Variants in BAZ2B observed in about 807,000 individuals in gnomAD.
BAZ2B encodes bromodomain adjacent to zinc finger domain 2B.
Under a neutral mutation model 246.0 loss-of-function variants are expected in BAZ2B, and 91 were observed. That is an observed-to-expected ratio of 0.37 (90% CI 0.31 to 0.44). The LOEUF is 0.44. Ranked by LOEUF, BAZ2B falls within the 20% of genes least tolerant of loss-of-function variation. The pLI, the probability that BAZ2B is intolerant of heterozygous loss-of-function variation, is 1.00. For missense variants in BAZ2B, 2,332 were observed against 2,533.7 expected (o/e 0.92, Z 1.71); for synonymous variants, 855 against 860.0 (o/e 0.99, Z 0.10).
Position 159,491,720 on chromosome 2 carries a change from C to CAAAAA in BAZ2B, c.-2-13004_-2-13000dup, listed in dbSNP as rs773067675. Among the ~76,000 whole-genome samples the CAAAAA allele has an allele frequency of 1.0e-3, 31 of 29,554 alleles. 3 individuals are homozygous for CAAAAA. The highest frequency in any genetic ancestry group is 4.6e-3 in the African/African-American group (21 of 4,582). The allele number at this position is 29,554 out of a possible 152,430, so 19.4% of individuals were successfully genotyped here. ...CGGGCGACAGAGCGAGACTCCGTCTCAAAAAAAAAAAAAAAAAAAAAAAAA... is the reference window on the plus strand; with the variant it reads ...CGGGCGACAGAGCGAGACTCCGTCTCAAAAAAAAAAAAAAAAAAAAAAAAAAAAAA... On this transcript the variant is annotated intron_variant, in intron 2 of 36. Transcript: ENST00000392783.
chr2:159,349,043 G>C lies in BAZ2B; in HGVS notation c.5101C>G (p.Pro1701Ala). ...GGTTTTGGACTAGGAAAATCTACTG[G>C]TTTTGCTACTTCAACAGCTGCAGGT... ...AQPAAVEVAKPVDFPSPKPIP... is the reference protein window; with the variant it reads ...AQPAAVEVAKAVDFPSPKPIP... Residue 1701 changes from proline (P) to alanine (A), a missense_variant, in exon 29 of 37, where the codon CCA (proline) becomes GCA (alanine). Physicochemically the swap from Pro to Ala is conservative, Grantham distance 27 (BLOSUM62 -1). Transcript: ENST00000392783. 1 of 1,614,090 alleles carries C rather than the reference G, an allele frequency of 6.2e-7. No individual in the cohort carries two copies. The highest frequency in any genetic ancestry group is 8.5e-7 in the Non-Finnish European group (1 of 1,179,978).
At chr2:159,550,843 A>G (rs570325233) in intron 2 of BAZ2B, among the ~76,000 whole-genome samples, 1 of 151,906 alleles carries the variant, frequency 6.6e-6, no homozygotes, top group South Asian at 2.1e-4. Flanking sequence ...AATAGAAAAA[A>G]AAATTTTTTT....
At chr2:159,551,941 T>C (rs541467875) in intron 2 of BAZ2B, among the ~76,000 whole-genome samples, 9 of 152,236 alleles carry the variant, frequency 5.9e-5, no homozygotes, top group African/African-American at 2.2e-4. Flanking sequence ...ATCCCTACTC[T>C]AGAAAAGAAA....
At chr2:159,563,395 G>A (rs1276167290) in intron 1 of BAZ2B, among the ~76,000 whole-genome samples, 1 of 152,120 alleles carries the variant, frequency 6.6e-6, no homozygotes. Flanking sequence ...ATATTGTGAA[G>A]TTTAGTTAAT....
intron 1 of BAZ2B, among the ~76,000 whole-genome samples, chr2:159,567,370 A>G (rs935812609): frequency 1.3e-5 from 2 of 152,226 alleles, no homozygotes; most frequent in African/African-American, 4.8e-5. Flanking sequence ...TTATTTGTTT[A>G]TATCACTTAC....
chr2:159,374,573 T>C (rs1288713271), intron 26 of BAZ2B, 118 bp downstream of exon 26: 1 of 793,102 alleles, frequency 1.3e-6, no homozygotes, highest in African/African-American at 1.8e-5. Context: ...AGAATCTTCA[T>C]TTTTAATTAC....
At chr2:159,669,751 C>T in the BAZ2B span, among the ~76,000 whole-genome samples, 3 of 151,918 alleles carry the variant, frequency 2.0e-5, no homozygotes, top group African/African-American at 7.3e-5. Flanking sequence ...TATTCATTTA[C>T]TTTCAATATA....
At chr2:159,330,129 G>T (rs933997040) in intron 34 of BAZ2B, among the ~76,000 whole-genome samples, 2 of 152,150 alleles carry the variant, frequency 1.3e-5, no homozygotes, top group African/African-American at 4.8e-5. Flanking sequence ...AAGACCACTT[G>T]CTATCTTGTG....
chr2:159,453,555 C>A, intron 4 of BAZ2B, 58 bp downstream of exon 4: 1 of 1,480,908 alleles, frequency 6.8e-7, no homozygotes, highest in South Asian at 1.5e-5. Flanking sequence ...CAAATTATTG[C>A]TTGAACATTC....
chr2:159,502,468 A>G (rs370482600), intron 2 of BAZ2B, among the ~76,000 whole-genome samples: 2 of 24,506 alleles, frequency 8.2e-5, no homozygotes, highest in African/African-American at 2.0e-4. Context: ...CTCAAAAAGG[A>G]AAAAAAAAAA....
At chr2:159,685,729 A>C in the BAZ2B span, among the ~76,000 whole-genome samples, 4 of 152,224 alleles carry the variant, frequency 2.6e-5, no homozygotes, top group Non-Finnish European at 5.9e-5. Flanking sequence ...ATAATGCCAT[A>C]TTACACTATA....
chr2:159,386,220 T>C, intron 22 of BAZ2B, 133 bp downstream of exon 22: 1 of 1,034,004 alleles, frequency 9.7e-7, no homozygotes, highest in Non-Finnish European at 1.4e-6. Flanking sequence ...GACACAAATC[T>C]ACAGTTAACT....
the BAZ2B span, among the ~76,000 whole-genome samples, chr2:159,627,317 T>A: frequency 6.6e-6 from 1 of 150,750 alleles, no homozygotes; most frequent in Non-Finnish European, 1.5e-5. Flanking sequence ...CCTCTTTTTA[T>A]GAGGCGAGCA....
At position 159,433,133 on chromosome 2, in the gene BAZ2B, T is replaced by C; in HGVS notation, c.1524A>G (p.Ala508=). 6.2e-7 allele frequency: 1 copy of C among 1,614,226 alleles called. No homozygotes were observed. Among genetic ancestry groups the C allele is most frequent in the Non-Finnish European group, 8.5e-7 (1 of 1,180,024 alleles). Reference sequence around the variant, plus strand: ...TCTGCATTTTAGTTTTGGTAGTAAGTGCTAGAGGAGCTTCTTGAATGACAC... The same window carrying C: ...TCTGCATTTTAGTTTTGGTAGTAAGCGCTAGAGGAGCTTCTTGAATGACAC... The part of the protein sequence containing the change: ...IQSVIQEAPL[A]LTTKTKMQSK... The change falls in exon 9 of 37, where the codon GCA becomes GCG. Residue 508 remains alanine, a synonymous_variant. Coordinates refer to ENST00000392783, the MANE Select transcript of BAZ2B (RefSeq NM_013450.4).
chr2:159,603,008 G>C (rs896681364), intron 1 of BAZ2B, among the ~76,000 whole-genome samples: 2 of 152,168 alleles, frequency 1.3e-5, no homozygotes, highest in Non-Finnish European at 2.9e-5. Context: ...ATGGTGGCAT[G>C]TGCCACTAGT....
chr2:159,464,491 T>A lies in BAZ2B; in HGVS notation c.146-10690A>T, dbSNP rs1195069166. 3 of 152,332 alleles carry A rather than the reference T, an allele frequency of 2.0e-5. No individual in the cohort carries two copies. In the South Asian group the frequency reaches 6.2e-4, roughly 32 times the overall value. 9.4% of individuals were successfully genotyped at this position (152,332 alleles called of 1,614,324 possible). A position where few individuals can be genotyped will look rare whatever the true frequency, so the allele number is the denominator to read the frequency against. The stretch of plus-strand genomic sequence containing the variant: ...TTATCTAGGGCCCATAATGTTGCTA[T>A]GTAGTTCTGGTGACATTAACTTCGA... On this transcript the variant is annotated intron_variant, in intron 3 of 36. Coordinates refer to ENST00000392783, the MANE Select transcript of BAZ2B (RefSeq NM_013450.4).
At chr2:159,491,720 CAAAAAAAAAAAAAAAAAAA>C (rs773067675) in intron 2 of BAZ2B, among the ~76,000 whole-genome samples, 2 of 29,558 alleles carry the variant, frequency 6.8e-5, no homozygotes, top group African/African-American at 4.4e-4. Context: ...GACTCCGTCT[CAAAAAAAAAAAAAAAAAAA>C]AAAAAAAGTC....
At chr2:159,645,136 G>C in the BAZ2B span, among the ~76,000 whole-genome samples, 1 of 152,082 alleles carries the variant, frequency 6.6e-6, no homozygotes, top group African/African-American at 2.4e-5. Context: ...GCCAGGCATG[G>C]TGGCATGCAC....
At chr2:159,622,413 T>TA in the BAZ2B span, among the ~76,000 whole-genome samples, 2 of 151,560 alleles carry the variant, frequency 1.3e-5, no homozygotes, top group Non-Finnish European at 2.9e-5. Context: ...ATACAAGTAC[T>TA]AAAAAAAATT....
Sources: gnomAD v4.1 joint callset for allele counts (sites outside exome capture counted in the v4.1 genomes callset) on GRCh38, gnomAD v4.1.1 for gene constraint, MANE v1.5 for transcripts, NCBI Gene and HGNC (gene_info 2026-07-23, HGNC 2026-07-21) for gene names.